The following SLAIN2 variants were observed in gnomAD, a reference collection of about 807,000 sequenced individuals.
The protein encoded by SLAIN2 is SLAIN motif-containing protein 2.
SLAIN2 carries 31 observed loss-of-function variants against 56.6 expected under a neutral mutation model. The observed-to-expected ratio is 0.55, with a 90% CI of 0.41 to 0.74. The LOEUF (loss-of-function observed/expected upper bound fraction) is 0.74, where lower values mean the gene tolerates loss of function less well. SLAIN2 is among the 30% of genes least tolerant of loss of function. SLAIN2 has a pLI of 0.00. For synonymous variants in SLAIN2, 317 were observed against 284.9 expected (o/e 1.11, Z -1.13); for missense variants, 777 against 754.2 (o/e 1.03, Z -0.35).
intron 1 of SLAIN2, among the ~76,000 whole-genome samples, chr4:48,363,757 C>T (rs1370759414): frequency 9.6e-4 from 105 of 109,574 alleles, no homozygotes; most frequent in Middle Eastern, 6.6e-3. Flanking sequence ...TGACCCCCCC[C>T]ACCTCCCTCC....
intron 1 of SLAIN2, among the ~76,000 whole-genome samples, chr4:48,354,359 G>C (rs1271866794): frequency 1.3e-5 from 2 of 152,120 alleles, no homozygotes; most frequent in African/African-American, 2.4e-5. Flanking sequence ...GATGGGAAAG[G>C]GAAAAAGTTA....
chr4:48,409,285 CTA>C (rs1210007169), intron 6 of SLAIN2, among the ~76,000 whole-genome samples: 4 of 151,864 alleles, frequency 2.6e-5, no homozygotes, highest in Non-Finnish European at 2.9e-5. Flanking sequence ...AGGTCTTTCT[CTA>C]TTTTTTTTTG....
At chr4:48,363,898 G>T (rs542814610) in intron 1 of SLAIN2, among the ~76,000 whole-genome samples, 1 of 139,436 alleles carries the variant, frequency 7.2e-6, no homozygotes, top group South Asian at 2.3e-4. Context: ...TCACCTCCCG[G>T]ACGGCACGGC....
chr4:48,370,147 C>A, intron 2 of SLAIN2, 150 bp downstream of exon 2: 1 of 768,948 alleles, frequency 1.3e-6, no homozygotes, highest in Non-Finnish European at 2.0e-6. Flanking sequence ...TTCCCATGTT[C>A]ACATAACCCT....
intron 5 of SLAIN2, 21 bp from the exon 6 acceptor site, chr4:48,383,625 TA>T: frequency 6.8e-7 from 1 of 1,481,092 alleles, no homozygotes; most frequent in South Asian, 1.4e-5. Flanking sequence ...ATGATTTTTT[TA>T]AAATTAAAAT....
rs1419092110 is a variant in SLAIN2, at chr4:48,422,106, C to T, written c.*29C>T. The T allele has an allele frequency of 7.6e-6, 12 of 1,580,124 alleles. No homozygotes were observed. Among genetic ancestry groups the T allele is most frequent in the African/African-American group, 4.0e-5 (3 of 74,302 alleles). On this transcript the variant is annotated 3_prime_UTR_variant, in exon 8 of 8. Coordinates refer to ENST00000264313, the MANE Select transcript of SLAIN2 (RefSeq NM_020846.2). ...GCAAAGACAAGAATGCAGAAGTCCA[C>T]GGCTTCATGGATACCCTTCACCAGG... is the stretch of plus-strand genomic sequence containing the variant.
chr4:48,361,624 AT>A (rs34131094), intron 1 of SLAIN2, among the ~76,000 whole-genome samples: 27 of 151,090 alleles, frequency 1.8e-4, no homozygotes, highest in African/African-American at 5.3e-4. Context: ...AATTAAAAAG[AT>A]TTTTTTTTTC....
intron 6 of SLAIN2, among the ~76,000 whole-genome samples, chr4:48,412,416 ATTCC>A (rs1716888016): frequency 3.9e-5 from 1 of 25,364 alleles, no homozygotes; most frequent in Non-Finnish European, 1.3e-4. Flanking sequence ...ACACACACAC[ATTCC>A]CTCTCTCTCT....
chr4:48,389,692 T>C (rs1402438852), intron 6 of SLAIN2, among the ~76,000 whole-genome samples: 1 of 152,220 alleles, frequency 6.6e-6, no homozygotes, highest in Non-Finnish European at 1.5e-5. Context: ...AACAGTGGGA[T>C]CAGTAATGAA....
intron 6 of SLAIN2, among the ~76,000 whole-genome samples, chr4:48,400,907 A>G (rs1446045104): frequency 6.6e-6 from 1 of 152,008 alleles, no homozygotes; most frequent in African/African-American, 2.4e-5. Context: ...AGATCTTTCT[A>G]GCTTTGTGAT....
rs1001924407 is a variant in SLAIN2, at chr4:48,341,808, G to A, written c.69G>A (p.Lys23=). Residue 23 remains lysine, a synonymous_variant, in exon 1 of 8, where the codon AAG becomes AAA. Transcript: ENST00000264313. ...EVRKLQELVK[K]LEKQNEQLRS... ...GGAAGCTGCAGGAGCTGGTGAAGAA[G>A]CTGGAGAAGCAGAACGAACAGCTGA... 2.2e-5 allele frequency: 33 copies of A among 1,533,872 alleles called. No individual in the cohort carries two copies. Among genetic ancestry groups the A allele is most frequent in the African/African-American group, 5.7e-5 (4 of 70,772 alleles).
chr4:48,382,979 A>G (rs1356298912), intron 5 of SLAIN2, 52 bp downstream of exon 5: 1 of 1,486,372 alleles, frequency 6.7e-7, no homozygotes, highest in Non-Finnish European at 9.0e-7. Context: ...AGCCTGTGTA[A>G]CATAGCAAGA....
At chr4:48,357,812 T>C (rs1715201106) in intron 1 of SLAIN2, among the ~76,000 whole-genome samples, 1 of 152,060 alleles carries the variant, frequency 6.6e-6, no homozygotes, top group Non-Finnish European at 1.5e-5. Context: ...GACTTGGCCT[T>C]CCAAAGTGCT....
chr4:48,343,989 C>T (rs7700018), intron 1 of SLAIN2, among the ~76,000 whole-genome samples: 80,444 of 152,030 alleles, frequency 0.53, 22,327 homozygotes, highest in South Asian at 0.69. Context: ...ATTAGCTGCA[C>T]CCATCAGCCC....
rs371755772 is a variant in SLAIN2, at chr4:48,345,597, T to C, written c.389+3469T>C. 7.9e-5 allele frequency among the ~76,000 whole-genome samples: 12 copies of C among 152,300 alleles called. No homozygotes were observed. In the East Asian group the frequency reaches 2.1e-3, roughly 27 times the overall value. On this transcript the variant is annotated intron_variant, in intron 1 of 7. Coordinates refer to ENST00000264313, the MANE Select transcript of SLAIN2 (RefSeq NM_020846.2). ...ACTTCTCTCCCATATATTTTATACA[T>C]AAGATGTTAAACTGTGTCTTCCTAA...
chr4:48,362,019 G>T lies in SLAIN2; in HGVS notation c.390-7830G>T, dbSNP rs182885471. ...TTTTTGCTTATTGATCTTGTGTCTT[G>T]TGACCTTGCAGAACACATTTATTAT... On this transcript the variant is annotated intron_variant, in intron 1 of 7. Coordinates refer to ENST00000264313, the MANE Select transcript of SLAIN2 (RefSeq NM_020846.2). 1.2e-3 allele frequency among the ~76,000 whole-genome samples: 186 copies of T among 152,100 alleles called. 1 individual carries two copies. The highest frequency in any genetic ancestry group is 4.0e-3 in the African/African-American group (164 of 41,502).
chr4:48,387,232 G>A (rs1484098771), intron 6 of SLAIN2: 1 of 152,128 alleles, frequency 6.6e-6, no homozygotes, highest in Admixed American at 6.5e-5. Context: ...GGGAACCTAG[G>A]ATAAAAATGT....
At chr4:48,363,934 C>T (rs1234879868) in intron 1 of SLAIN2, among the ~76,000 whole-genome samples, 2 of 125,092 alleles carry the variant, frequency 1.6e-5, no homozygotes, top group Non-Finnish European at 3.8e-5. Context: ...CTGACCCCCC[C>T]ACCTCCCTCC....
intron 6 of SLAIN2, among the ~76,000 whole-genome samples, chr4:48,394,225 A>G (rs544001554): frequency 6.6e-6 from 1 of 152,298 alleles, no homozygotes; most frequent in South Asian, 2.1e-4. Flanking sequence ...GCTGCACTTC[A>G]TACTGTGTGC....
Sources: gnomAD v4.1 joint callset for allele counts (sites outside exome capture counted in the v4.1 genomes callset) on GRCh38, gnomAD v4.1.1 for gene constraint, MANE v1.5 for transcripts, NCBI Gene and HGNC (gene_info 2026-07-23, HGNC 2026-07-21) for gene names.